The following CTNNA3 variants were observed in gnomAD, a reference collection of about 807,000 sequenced individuals.
CTNNA3 encodes the protein catenin alpha-3.
Under a neutral mutation model 95.7 loss-of-function variants are expected in CTNNA3, and 76 were observed. That is an observed-to-expected ratio of 0.79 (90% CI 0.66 to 0.96). The LOEUF is 0.96. Ranked by LOEUF, CTNNA3 falls within the 40% of genes least tolerant of loss-of-function variation. The pLI is 0.00. For synonymous variants in CTNNA3, 431 were observed against 374.4 expected (o/e 1.15, Z -1.74); for missense variants, 1,191 against 1,089.8 (o/e 1.09, Z -1.31).
rs544022214 is a variant in CTNNA3, at chr10:66,453,914, G to C, written c.1531+66703C>G. Among the ~76,000 whole-genome samples the C allele has an allele frequency of 5.9e-5, 9 of 152,272 alleles. No homozygotes were observed. The South Asian group carries it at 1.9e-3, about 32-fold the overall frequency. On this transcript the variant is annotated intron_variant, in intron 11 of 17. Transcript: ENST00000433211. ...TGTCATCCTCAGGACCTGTGAATAT[G>C]TTACCTTACATGGCAAAAATGGATT... is the stretch of plus-strand genomic sequence containing the variant.
At chr10:67,122,504 G>A (rs370698442) in intron 7 of CTNNA3, among the ~76,000 whole-genome samples, 9 of 152,180 alleles carry the variant, frequency 5.9e-5, no homozygotes, top group South Asian at 2.1e-4. Context: ...TGCATGGGGC[G>A]GGGGAAGATG....
intron 5 of CTNNA3, among the ~76,000 whole-genome samples, chr10:67,485,947 G>A (rs532594334): frequency 2.2e-4 from 33 of 152,260 alleles, no homozygotes; most frequent in African/African-American, 6.3e-4. Context: ...TTTCCCTACA[G>A]GGATATAAAT....
intron 13 of CTNNA3, among the ~76,000 whole-genome samples, chr10:66,276,039 T>TTCATGTAA (rs1400785039): frequency 1.3e-5 from 2 of 152,284 alleles, no homozygotes; most frequent in East Asian, 3.9e-4. Flanking sequence ...ATGTAAATGA[T>TTCATGTAA]TCATGTAAAA....
At chr10:67,138,122 A>G (rs947434905) in intron 7 of CTNNA3, among the ~76,000 whole-genome samples, 29 of 152,092 alleles carry the variant, frequency 1.9e-4, no homozygotes, top group African/African-American at 7.0e-4. Context: ...ACCTCCAAGA[A>G]GAAACATTAG....
intron 7 of CTNNA3, among the ~76,000 whole-genome samples, chr10:66,851,586 C>T (rs1843489825): frequency 7.4e-6 from 1 of 134,350 alleles, no homozygotes; most frequent in Non-Finnish European, 1.8e-5. Context: ...TGAGATCTGG[C>T]TGTTTAAGTG....
intron 9 of CTNNA3, among the ~76,000 whole-genome samples, chr10:66,754,955 T>A (rs1408037747): frequency 1.3e-5 from 2 of 152,114 alleles, no homozygotes; most frequent in Non-Finnish European, 1.5e-5. Flanking sequence ...GAAATGCCAC[T>A]CCTACATATA....
intron 10 of CTNNA3, among the ~76,000 whole-genome samples, chr10:66,555,800 A>G (rs1842371097): frequency 6.6e-6 from 1 of 152,116 alleles, no homozygotes; most frequent in African/African-American, 2.4e-5. Flanking sequence ...GCTTAAAGAT[A>G]GCTCCCTGAC....
At chr10:66,130,849 C>T (rs1463834527) in intron 13 of CTNNA3, among the ~76,000 whole-genome samples, 1 of 144,978 alleles carries the variant, frequency 6.9e-6, no homozygotes, top group Non-Finnish European at 1.5e-5. Context: ...AGCAAGACTC[C>T]GTCTCAAAAA....
At chr10:66,738,584 T>C (rs1194783617) in intron 9 of CTNNA3, among the ~76,000 whole-genome samples, 1 of 152,234 alleles carries the variant, frequency 6.6e-6, no homozygotes, top group Non-Finnish European at 1.5e-5. Context: ...ATTTTTCTTA[T>C]GTTAGCTCTT....
intron 5 of CTNNA3, among the ~76,000 whole-genome samples, chr10:67,382,171 A>G (rs1475530283): frequency 6.6e-6 from 1 of 152,204 alleles, no homozygotes; most frequent in Non-Finnish European, 1.5e-5. Flanking sequence ...AAGTCTCTCA[A>G]GTTTTCCAGG....
At chr10:66,745,997 G>A (rs1303998135) in intron 9 of CTNNA3, among the ~76,000 whole-genome samples, 1 of 151,918 alleles carries the variant, frequency 6.6e-6, no homozygotes, top group African/African-American at 2.4e-5. Flanking sequence ...TCATATTAAT[G>A]GTATTTACAA....
intron 1 of CTNNA3, among the ~76,000 whole-genome samples, chr10:67,672,863 G>A (rs570316580): frequency 8.5e-5 from 13 of 152,236 alleles, no homozygotes; most frequent in Admixed American, 6.5e-4. Context: ...GGTTCCATAT[G>A]AACTTTAAAG....
intron 12 of CTNNA3, among the ~76,000 whole-genome samples, chr10:66,375,169 C>A (rs1374665563): frequency 6.6e-6 from 1 of 151,786 alleles, no homozygotes; most frequent in Non-Finnish European, 1.5e-5. Flanking sequence ...CTTGGCATGT[C>A]CCCGCCATTG....
intron 11 of CTNNA3, among the ~76,000 whole-genome samples, chr10:66,494,763 C>T (rs1431943906): frequency 6.6e-6 from 1 of 152,162 alleles, no homozygotes; most frequent in African/African-American, 2.4e-5. Flanking sequence ...TCAACCAATA[C>T]CGTTGGGAGG....
chr10:67,522,019 C>G (rs1429184415), intron 4 of CTNNA3, 58 bp from the exon 5 acceptor site: 2 of 1,558,352 alleles, frequency 1.3e-6, no homozygotes, highest in African/African-American at 2.7e-5. Context: ...CTCAAATTCT[C>G]AACTTGCTAA....
At chr10:66,444,224 A>C (rs1271489732) in intron 11 of CTNNA3, among the ~76,000 whole-genome samples, 3 of 152,166 alleles carry the variant, frequency 2.0e-5, no homozygotes, top group Non-Finnish European at 4.4e-5. Flanking sequence ...TGACGGGGAG[A>C]ATAGAACCAA....
intron 11 of CTNNA3, among the ~76,000 whole-genome samples, chr10:66,485,015 T>G (rs1366628277): frequency 6.6e-6 from 1 of 151,900 alleles, no homozygotes; most frequent in African/African-American, 2.4e-5. Flanking sequence ...ATACAGAAAA[T>G]CATTGACAAA....
chr10:66,899,628 A>G (rs1214293393), intron 7 of CTNNA3, among the ~76,000 whole-genome samples: 1 of 152,112 alleles, frequency 6.6e-6, no homozygotes, highest in Non-Finnish European at 1.5e-5. Flanking sequence ...TGTACCGGGA[A>G]AAACGGTACA....
At chr10:66,208,191 G>A (rs143637395) in intron 13 of CTNNA3, among the ~76,000 whole-genome samples, 7 of 152,182 alleles carry the variant, frequency 4.6e-5, no homozygotes, top group African/African-American at 1.7e-4. Flanking sequence ...CATCTGCGGG[G>A]TAAGAATTAA....
Sources: gnomAD v4.1 joint callset for allele counts (sites outside exome capture counted in the v4.1 genomes callset) on GRCh38, gnomAD v4.1.1 for gene constraint, MANE v1.5 for transcripts, NCBI Gene and HGNC (gene_info 2026-07-23, HGNC 2026-07-21) for gene names.